PLD5: variants seen among roughly 807,000 people sequenced by gnomAD.
PLD5 encodes the protein phospholipase D family member 5.
Under a neutral mutation model 61.1 loss-of-function variants are expected in PLD5, and 36 were observed. The ratio of observed to expected loss-of-function variants is 0.59; its 90% CI spans 0.45 to 0.78. The LOEUF (loss-of-function observed/expected upper bound fraction) is 0.78. Ranked by LOEUF, PLD5 falls within the 30% of genes least tolerant of loss-of-function variation. The probability of loss-of-function intolerance (pLI) is 0.00; values close to 1 mark genes in which losing one functional copy is unlikely to be tolerated. For missense variants in PLD5, 515 were observed against 644.4 expected (o/e 0.80, Z 2.17); for synonymous variants, 243 against 242.8 (o/e 1.00, Z -0.01).
intron 1 of PLD5, among the ~76,000 whole-genome samples, chr1:242,382,135 A>C (rs1312290087): frequency 2.6e-5 from 4 of 151,540 alleles, no homozygotes; most frequent in African/African-American, 4.8e-5. Flanking sequence ...CAGCAAAAAA[A>C]AAAACAAAAC....
intron 1 of PLD5, among the ~76,000 whole-genome samples, chr1:242,437,028 A>C (rs1313877357): frequency 6.6e-6 from 1 of 152,172 alleles, no homozygotes; most frequent in African/African-American, 2.4e-5. Context: ...GGAGTCCTGA[A>C]AGTTGAACCC....
chr1:242,161,753 C>T (rs1209684940), intron 5 of PLD5, among the ~76,000 whole-genome samples: 1 of 146,468 alleles, frequency 6.8e-6, no homozygotes, highest in Admixed American at 6.8e-5. Flanking sequence ...TAATATACGT[C>T]AAGAAAGAAG....
chr1:242,197,721 G>A (rs962076084), intron 5 of PLD5, among the ~76,000 whole-genome samples: 2 of 149,538 alleles, frequency 1.3e-5, no homozygotes, highest in South Asian at 2.1e-4. Flanking sequence ...TGCAACCTCC[G>A]CCTCTCGGGT....
At chr1:242,376,599 T>C (rs1661974607) in intron 1 of PLD5, among the ~76,000 whole-genome samples, 1 of 152,178 alleles carries the variant, frequency 6.6e-6, no homozygotes, top group African/African-American at 2.4e-5. Flanking sequence ...CTAAGAACTC[T>C]GTTTTAAAGA....
At chr1:242,485,431 G>A (rs550347350) in intron 1 of PLD5, among the ~76,000 whole-genome samples, 24 of 151,978 alleles carry the variant, frequency 1.6e-4, no homozygotes, top group African/African-American at 5.8e-4. Flanking sequence ...CAGACAAACA[G>A]AGACCCAAAT....
At chr1:242,251,324 A>G (rs1404366312) in intron 4 of PLD5, among the ~76,000 whole-genome samples, 1 of 152,218 alleles carries the variant, frequency 6.6e-6, no homozygotes, top group East Asian at 1.9e-4. Context: ...TAAGGGAATG[A>G]TAGTGTATTC....
At chr1:242,132,260 T>C (rs1292303652) in intron 5 of PLD5, among the ~76,000 whole-genome samples, 1 of 131,742 alleles carries the variant, frequency 7.6e-6, no homozygotes, top group African/African-American at 2.9e-5. Flanking sequence ...AGACAGAGTT[T>C]GGTGGGTTTT....
chr1:242,495,464 C>G (rs1418329181), intron 1 of PLD5, among the ~76,000 whole-genome samples: 1 of 151,944 alleles, frequency 6.6e-6, no homozygotes, highest in Non-Finnish European at 1.5e-5. Flanking sequence ...TAAGCAGTAT[C>G]CCAGGGAGAA....
At chr1:242,354,566 T>C (rs1660652959) in intron 1 of PLD5, among the ~76,000 whole-genome samples, 1 of 152,168 alleles carries the variant, frequency 6.6e-6, no homozygotes, top group African/African-American at 2.4e-5. Context: ...TACAAGATCA[T>C]GTCATCAGCA....
intron 5 of PLD5, among the ~76,000 whole-genome samples, chr1:242,154,366 C>T (rs1166540899): frequency 6.6e-6 from 1 of 152,056 alleles, no homozygotes; most frequent in Admixed American, 6.6e-5. Flanking sequence ...CTGGCCAGGA[C>T]TTCCAATACT....
intron 2 of PLD5, among the ~76,000 whole-genome samples, chr1:242,337,688 A>G (rs1169305167): frequency 6.6e-6 from 1 of 152,194 alleles, no homozygotes; most frequent in Non-Finnish European, 1.5e-5. Flanking sequence ...AGCACTTTGC[A>G]GTCTTCTACA....
intron 1 of PLD5, among the ~76,000 whole-genome samples, chr1:242,509,556 C>A (rs1346038338): frequency 6.6e-6 from 1 of 152,184 alleles, no homozygotes; most frequent in African/African-American, 2.4e-5. Context: ...GGACATGAGG[C>A]CTTCTAATTC....
intron 5 of PLD5, among the ~76,000 whole-genome samples, chr1:242,133,073 A>G (rs576843966): frequency 1.4e-5 from 2 of 140,868 alleles, no homozygotes; most frequent in African/African-American, 5.4e-5. Context: ...TCTGCATCAC[A>G]CAAGAGAAAT....
chr1:242,166,253 G>A (rs968730113), intron 5 of PLD5, among the ~76,000 whole-genome samples: 3 of 152,192 alleles, frequency 2.0e-5, no homozygotes, highest in African/African-American at 7.2e-5. Flanking sequence ...CTCCCTATAT[G>A]AGAGACCCTC....
chr1:242,441,476 T>A lies in PLD5; in HGVS notation c.189+82612A>T, dbSNP rs2654883. On this transcript the variant is annotated intron_variant, in intron 1 of 9. Transcript: ENST00000536534. The stretch of plus-strand genomic sequence containing the variant: ...TTACCATGTGTTTCTTTAGTAGTCA[T>A]AAAAAAACTTTAAAAAAAAATTAAT... Among the ~76,000 whole-genome samples, 183 of 151,926 alleles carry A rather than the reference T, an allele frequency of 1.2e-3. 1 individual carries two copies. The highest frequency in any genetic ancestry group is 4.2e-3 in the African/African-American group (172 of 41,424).
intron 7 of PLD5, 151 bp from the exon 8 acceptor site, chr1:242,107,990 C>T: frequency 1.3e-6 from 1 of 749,422 alleles, no homozygotes; most frequent in Non-Finnish European, 2.0e-6. Context: ...GAAAAACATA[C>T]AAGCATCTTA....
chr1:242,274,490 C>T (rs924419359), intron 3 of PLD5, among the ~76,000 whole-genome samples: 3 of 152,174 alleles, frequency 2.0e-5, no homozygotes, highest in African/African-American at 7.2e-5. Flanking sequence ...CGTGGTGGCT[C>T]ACGCCTGTAA....
intron 4 of PLD5, among the ~76,000 whole-genome samples, chr1:242,258,121 G>A (rs867984352): frequency 6.6e-6 from 1 of 152,170 alleles, no homozygotes; most frequent in Admixed American, 6.5e-5. Context: ...TATAGAAATT[G>A]CATATAAAAA....
At chr1:242,142,531 A>T (rs1299268202) in intron 5 of PLD5, among the ~76,000 whole-genome samples, 1 of 152,210 alleles carries the variant, frequency 6.6e-6, no homozygotes, top group African/African-American at 2.4e-5. Context: ...CATATACTTT[A>T]TATATTCTAA....
Sources: allele counts gnomAD v4.1 joint callset (sites outside exome capture counted in the v4.1 genomes callset), GRCh38; gene constraint gnomAD v4.1.1; transcripts MANE v1.5; gene names NCBI Gene and HGNC (gene_info 2026-07-23, HGNC 2026-07-21).